The following TRMT10B variants were observed in gnomAD, a reference collection of about 807,000 sequenced individuals.
The protein encoded by TRMT10B is tRNA methyltransferase 10B, also known as tRNA methyltransferase 10 homolog B.
Under a neutral mutation model 43.8 loss-of-function variants are expected in TRMT10B, and 33 were observed. The observed-to-expected ratio is 0.75, with a 90% CI of 0.57 to 1.01. The LOEUF is 1.01. Ranked by LOEUF, TRMT10B falls within the 50% of genes least tolerant of loss-of-function variation. TRMT10B has a pLI of 0.00. For synonymous variants in TRMT10B, 137 were observed against 130.6 expected (o/e 1.05, Z -0.34); for missense variants, 362 against 369.8 (o/e 0.98, Z 0.17).
intron 7 of TRMT10B, among the ~76,000 whole-genome samples, chr9:37,771,629 A>G (rs1336037859): frequency 1.3e-5 from 2 of 152,240 alleles, no homozygotes; most frequent in Non-Finnish European, 1.5e-5. Flanking sequence ...GGAATGCATA[A>G]TAGAATTAGA....
upstream of TRMT10B, among the ~76,000 whole-genome samples, chr9:37,753,124 C>G (rs939924167): frequency 6.6e-6 from 1 of 151,420 alleles, no homozygotes; most frequent in South Asian, 2.1e-4. Flanking sequence ...ACACTCATTG[C>G]GAAGATCTGC....
chr9:37,765,919 C>CT (rs1826937030), intron 4 of TRMT10B, among the ~76,000 whole-genome samples: 1 of 125,024 alleles, frequency 8.0e-6, no homozygotes, highest in South Asian at 2.7e-4. Flanking sequence ...CCTTTGCCCA[C>CT]TTTTTGATGG....
Position 37,763,152 on chromosome 9 carries a change from A to C in TRMT10B, c.295+467A>C, listed in dbSNP as rs908517897. Among the ~76,000 whole-genome samples, 5 of 142,672 alleles carry C rather than the reference A, an allele frequency of 3.5e-5. No individual in the cohort carries two copies. The East Asian group carries it at 5.9e-4, about 17-fold the overall frequency. The allele number at this position is 142,672 out of a possible 152,430, so 93.6% of individuals were successfully genotyped here. On this transcript the variant is annotated intron_variant, in intron 3 of 8. Coordinates refer to ENST00000297994, the MANE Select transcript of TRMT10B (RefSeq NM_144964.4). ...GAGTGAGACTCTGTCTCAAAAAAAA[A>C]AAAAAAAAAAAAACAAAAAAAAAAA...
chr9:37,773,956 TAAAAAAAAAAAAAAAA>T lies in TRMT10B; in HGVS notation c.721-2323_721-2308del, dbSNP rs544100530. 4.7e-5 allele frequency among the ~76,000 whole-genome samples: 6 copies of T among 127,696 alleles called. No homozygotes were observed. In the East Asian group the frequency reaches 1.4e-3, roughly 29 times the overall value. The allele number at this position is 127,696 out of a possible 152,430, so 83.8% of individuals were successfully genotyped here. On this transcript the variant is annotated intron_variant, in intron 7 of 8. Coordinates refer to ENST00000297994, the MANE Select transcript of TRMT10B (RefSeq NM_144964.4). ...ATGCAACACAGTGAGACCCTGTCTC[TAAAAAAAAAAAAAAAA>T]AACAACAATAATAATAATTAAAAGT...
rs758290674 is a variant in TRMT10B at position 37,762,646 on chromosome 9, GA to G, written c.261del (p.Glu88AsnfsTer22). On this transcript the variant is annotated frameshift_variant, in exon 3 of 9. Transcript: ENST00000297994. LOFTEE classifies it high-confidence loss of function. ...AGCAAAGAAGAGCAAAAGAAAGCAA[GA>G]AAAAGAACGAAGAAAAGCCAATCGT... is the stretch of plus-strand genomic sequence containing the variant. ...VAAKKSKRKQ[E>X]KERRKANRAE... 6.9e-6 allele frequency: 11 copies of G among 1,594,740 alleles called. No homozygotes were observed. Among genetic ancestry groups the G allele is most frequent in the Non-Finnish European group, 9.4e-6 (11 of 1,169,478 alleles).
In TRMT10B at chr9:37,754,245, A is replaced by T. The variant is rs77976033; in HGVS notation, c.-30+393A>T. ...AACAACACTTGCCTACATTGAAGGG[A>T]TGGAGGAGGTTCCGACAACAAGTAA... On this transcript the variant is annotated intron_variant, in intron 1 of 8. Transcript: ENST00000297994. 3.2e-3 allele frequency among the ~76,000 whole-genome samples: 495 copies of T among 152,322 alleles called. 1 individual carries two copies. Among genetic ancestry groups the T allele is most frequent in the Non-Finnish European group, 4.0e-3 (271 of 68,020 alleles).
chr9:37,778,875 GGACAA>G lies in TRMT10B; in HGVS notation c.*1169_*1173del, dbSNP rs1564010969. On this transcript the variant is annotated 3_prime_UTR_variant, in exon 9 of 9. Transcript: ENST00000297994. ...CCTTCCTAATGGTAGGATCCTAACA[GGACAA>G]ATCTGTGTACCTATCTTTCTATCCT... is the stretch of plus-strand genomic sequence containing the variant. 2 of 152,056 alleles carry G rather than the reference GGACAA, an allele frequency of 1.3e-5. No individual in the cohort carries two copies. Among genetic ancestry groups the G allele is most frequent in the African/African-American group, 4.8e-5 (2 of 41,360 alleles). The allele number at this position is 152,056 out of a possible 1,614,324, so 9.4% of individuals were successfully genotyped here. A position where few individuals can be genotyped will look rare whatever the true frequency, so the allele number is the denominator to read the frequency against.
chr9:37,763,172 A>C (rs10973528), intron 3 of TRMT10B, among the ~76,000 whole-genome samples: 9 of 148,024 alleles, frequency 6.1e-5, no homozygotes, highest in East Asian at 2.0e-4. Flanking sequence ...AAAACAAAAA[A>C]AAAAATTTAA....
intron 1 of TRMT10B, 118 bp from the exon 2 acceptor site, chr9:37,761,785 G>A (rs1826363141): frequency 1.5e-6 from 1 of 667,936 alleles, no homozygotes; most frequent in Non-Finnish European, 2.5e-6. Context: ...CAGTAAATCT[G>A]GTTCAGTATT....
chr9:37,762,395 CTT>C (rs1282293561), intron 2 of TRMT10B, 180 bp from the exon 3 acceptor site: 2 of 989,634 alleles, frequency 2.0e-6, no homozygotes, highest in Non-Finnish European at 1.4e-6. Flanking sequence ...GGTCATGTCT[CTT>C]TTTCTGGGGC....
intron 3 of TRMT10B, 44 bp from the exon 4 acceptor site, chr9:37,763,585 C>G (rs1253420935): frequency 2.6e-6 from 4 of 1,563,166 alleles, no homozygotes; most frequent in Non-Finnish European, 3.5e-6. Flanking sequence ...TATAATATTC[C>G]TCTGGTTTTC....
rs761534853 is a variant in TRMT10B at position 37,770,760 on chromosome 9, C to T, written c.720+21C>T. On this transcript the variant is annotated intron_variant, in intron 7 of 8. Coordinates refer to ENST00000297994, the MANE Select transcript of TRMT10B (RefSeq NM_144964.4). ...AGAAGGTAAGTATACATTTCAGCCC[C>T]AACATCTGTTTTAAAAAGCAGTGCT... 25 of 1,612,394 alleles carry T rather than the reference C, an allele frequency of 1.6e-5. No individual in the cohort carries two copies. In the African/African-American group the frequency reaches 2.0e-4, roughly 13 times the overall value.
At position 37,778,020 on chromosome 9, in the gene TRMT10B, A is replaced by T. The variant is rs570090856; in HGVS notation, c.*313A>T. 6 of 207,948 alleles carry T rather than the reference A, an allele frequency of 2.9e-5. No homozygotes were observed. The highest frequency in any genetic ancestry group is 2.3e-4 in the South Asian group (3 of 13,138). The allele number at this position is 207,948 out of a possible 1,614,324, so 12.9% of individuals were successfully genotyped here. A position where few individuals can be genotyped will look rare whatever the true frequency, so the allele number is the denominator to read the frequency against. ...ACTCCATCTCAAAAAAAAAATAAATAAAAAAAAATGCAGCTGCAGGAGTGA... is the reference window on the plus strand; with the variant it reads ...ACTCCATCTCAAAAAAAAAATAAATTAAAAAAAATGCAGCTGCAGGAGTGA... On this transcript the variant is annotated 3_prime_UTR_variant, in exon 9 of 9. Transcript: ENST00000297994.
chr9:37,758,419 AAT>A (rs1825945934), intron 1 of TRMT10B, among the ~76,000 whole-genome samples: 1 of 152,182 alleles, frequency 6.6e-6, no homozygotes, highest in Admixed American at 6.5e-5. Flanking sequence ...CTGAAAAAAT[AAT>A]AGTTTACAAA....
intron 1 of TRMT10B, among the ~76,000 whole-genome samples, chr9:37,756,849 TATATACACACACAC>T (rs1825775250): frequency 6.7e-6 from 1 of 148,498 alleles, no homozygotes; most frequent in African/African-American, 2.6e-5. Flanking sequence ...TATGTGTGTA[TATATACACACACAC>T]ATATACATAC....
chr9:37,763,162 AAAAC>A (rs1826591511), intron 3 of TRMT10B, among the ~76,000 whole-genome samples: 2 of 113,816 alleles, frequency 1.8e-5, no homozygotes, highest in African/African-American at 5.8e-5. Flanking sequence ...AAAAAAAAAA[AAAAC>A]AAAAAAAAAA....
rs1826669844 is a variant in TRMT10B, at chr9:37,763,740, A to G, written c.407A>G (p.Tyr136Cys). ...RLCIDLSMTH[Y>C]MSKKELSRLA... ...TGTATCGATTTGAGTATGACCCACT[A>G]CATGTCAAAGAAGGTAGAACATCCA... Residue 136 changes from tyrosine to cysteine, a missense_variant, in exon 4 of 9, where the codon TAC becomes TGC. Physicochemically the swap from Tyr to Cys is radical, Grantham distance 194. Coordinates refer to ENST00000297994, the MANE Select transcript of TRMT10B (RefSeq NM_144964.4). 3 of 1,613,940 alleles carry G rather than the reference A, an allele frequency of 1.9e-6. No individual in the cohort carries two copies. Among genetic ancestry groups the G allele is most frequent in the Middle Eastern group, 1.6e-4 (1 of 6,082 alleles).
intron 5 of TRMT10B, chr9:37,769,618 G>T (rs548441173): frequency 4.9e-4 from 88 of 178,792 alleles, no homozygotes; most frequent in East Asian, 1.3e-3. Flanking sequence ...TTTGAGCGGG[G>T]TTTTTTTTTT....
At chr9:37,772,140 T>C (rs1827662059) in intron 7 of TRMT10B, among the ~76,000 whole-genome samples, 1 of 152,156 alleles carries the variant, frequency 6.6e-6, no homozygotes, top group South Asian at 2.1e-4. Flanking sequence ...GCCTCCTGGG[T>C]AGCTGAGACT....
Sources: allele counts gnomAD v4.1 joint callset (sites outside exome capture counted in the v4.1 genomes callset), GRCh38; gene constraint gnomAD v4.1.1; transcripts MANE v1.5; gene names NCBI Gene and HGNC (gene_info 2026-07-23, HGNC 2026-07-21).